The following CDK18 variants were observed in gnomAD, a reference collection of about 807,000 sequenced individuals.
CDK18 encodes cyclin-dependent kinase 18.
CDK18 carries 52 observed loss-of-function variants against 62.0 expected under a neutral mutation model. The ratio of observed to expected loss-of-function variants is 0.84; its 90% CI spans 0.67 to 1.06. The LOEUF is 1.06. CDK18 is among the 50% of genes least tolerant of loss of function. CDK18 has a pLI of 0.00. For synonymous variants in CDK18, 237 were observed against 247.0 expected (o/e 0.96, Z 0.38); for missense variants, 604 against 619.9 (o/e 0.97, Z 0.27).
At chr1:205,522,004 T>C (rs1668152738) in intron 1 of CDK18, among the ~76,000 whole-genome samples, 2 of 152,030 alleles carry the variant, frequency 1.3e-5, no homozygotes, top group African/African-American at 4.8e-5. Context: ...TGGAAGCCCT[T>C]GTGAGGCCTC....
At chr1:205,506,809 C>T (rs1411886164) in intron 1 of CDK18, among the ~76,000 whole-genome samples, 1 of 152,230 alleles carries the variant, frequency 6.6e-6, no homozygotes, top group African/African-American at 2.4e-5. Context: ...TCTGTCTGTC[C>T]TGCACTAGGC....
Position 205,507,035 on chromosome 1 carries a change from C to T in CDK18, c.-22+2239C>T, listed in dbSNP as rs372706636. Among the ~76,000 whole-genome samples the T allele has an allele frequency of 2.6e-5, 4 of 152,210 alleles. No homozygotes were observed. In the South Asian group the frequency reaches 8.3e-4, roughly 32 times the overall value. On this transcript the variant is annotated intron_variant, in intron 1 of 15. Transcript: ENST00000429964. ...TTGGGCCGTCCCGCACTCGGGAATG[C>T]GTCCTACACTGTAGGGCAGAGCCCG...
intron 5 of CDK18, among the ~76,000 whole-genome samples, chr1:205,525,440 CT>C (rs552356615): frequency 4.7e-5 from 7 of 150,072 alleles, no homozygotes; most frequent in East Asian, 3.9e-4. Flanking sequence ...AGAATCCAGT[CT>C]TTTTTTTTTC....
intron 1 of CDK18, among the ~76,000 whole-genome samples, chr1:205,518,582 C>T (rs552120477): frequency 5.1e-4 from 78 of 152,288 alleles, no homozygotes; most frequent in African/African-American, 1.7e-3. Flanking sequence ...AATATGGTCA[C>T]GTTTGTGCAC....
chr1:205,520,448 C>T (rs1444285384), intron 1 of CDK18, among the ~76,000 whole-genome samples: 1 of 152,108 alleles, frequency 6.6e-6, no homozygotes. Context: ...CCTGTAATCC[C>T]AGCACTTTGG....
chr1:205,531,265 C>A, intron 15 of CDK18, 79 bp from the exon 16 acceptor site: 2 of 1,341,086 alleles, frequency 1.5e-6, no homozygotes, highest in Non-Finnish European at 2.1e-6. Context: ...CTCTGGGGGA[C>A]AGCGACTGTC....
chr1:205,530,770 C>G, intron 15 of CDK18, 65 bp downstream of exon 15: 1 of 1,317,218 alleles, frequency 7.6e-7, no homozygotes, highest in Non-Finnish European at 1.1e-6. Flanking sequence ...GCGACCCCTC[C>G]CCAGTGGGGA....
At position 205,528,245 on chromosome 1, in the gene CDK18, G is replaced by C; in HGVS notation, c.974+77G>C. The C allele has an allele frequency of 6.5e-7, 1 of 1,545,610 alleles. No individual in the cohort carries two copies. Among genetic ancestry groups the C allele is most frequent in the African/African-American group, 1.4e-5 (1 of 73,498 alleles). On this transcript the variant is annotated intron_variant, in intron 10 of 15. Transcript: ENST00000429964. This position sits in a 1 kb window ranked among gnomAD's most constrained non-coding sequence, Gnocchi z 4.2. ...TCCAGACTCTCCTTTGCTTCCCCAA[G>C]GGCCTCGGGGAAGAACTGCCTAACT...
chr1:205,525,171 C>T lies in CDK18; in HGVS notation c.432C>T (p.Tyr144=), dbSNP rs115244221. 2.0e-4 allele frequency: 316 copies of T among 1,609,934 alleles called. 2 individuals carry two copies. The highest frequency in any genetic ancestry group is 1.1e-3 in the African/African-American group (84 of 75,008). The change falls in exon 5 of 16, where the codon TAC becomes TAT. Residue 144 remains tyrosine (Y), a synonymous_variant. Transcript: ENST00000429964. Reference sequence around the variant, plus strand: ...TTGGCTTTGGGAAACTGGAAACATACGTGAAACTGGACAAACTGGGAGAGG... The same window carrying T: ...TTGGCTTTGGGAAACTGGAAACATATGTGAAACTGGACAAACTGGGAGAGG... The part of the protein sequence containing the change: ...SDIGFGKLET[Y]VKLDKLGEGT...
In CDK18 at chr1:205,529,070, A is replaced by G; in HGVS notation, c.1046A>G (p.Glu349Gly). 6.3e-7 allele frequency: 1 copy of G among 1,591,554 alleles called. No individual in the cohort carries two copies. Among genetic ancestry groups the G allele is most frequent in the Non-Finnish European group, 8.6e-7 (1 of 1,169,362 alleles). Residue 349 changes from glutamate (E) to glycine (G), a missense_variant, in exon 11 of 16, where the codon GAG becomes GGG. By Grantham distance (98) the Glu-to-Gly change is moderately conservative. Coordinates refer to ENST00000429964, the MANE Select transcript of CDK18 (RefSeq NM_212502.3). ...TTCCCGGGCTCCACAGTCAAGGAGG[A>G]GCTGCACCTCATCTTTCGCCTCCTC... ...PLFPGSTVKE[E>G]LHLIFRLLGT... is the part of the protein sequence containing the mutation.
chr1:205,526,925 C>T (rs1398651478), intron 8 of CDK18, 88 bp downstream of exon 8: 22 of 1,106,006 alleles, frequency 2.0e-5, no homozygotes, highest in Middle Eastern at 2.0e-4. Context: ...ACCAGGGATC[C>T]GGCTGCTGAG....
rs758854443 is a variant in CDK18 at position 205,527,934 on chromosome 1, G to A, written c.853+17G>A. 28 of 1,614,044 alleles carry A rather than the reference G, an allele frequency of 1.7e-5. No homozygotes were observed. The highest frequency in any genetic ancestry group is 2.3e-5 in the Non-Finnish European group (27 of 1,179,956). On this transcript the variant is annotated intron_variant, in intron 9 of 15. Transcript: ENST00000429964. The surrounding 1 kb of genome is among the most constrained non-coding windows in gnomAD (Gnocchi z 4.1). ...CCGACTTTGGTGAGGCTGGGGCTAG[G>A]GTGGGGGTCTGACGCTACTGGGGTG...
chr1:205,521,392 T>C (rs55664450), intron 1 of CDK18, among the ~76,000 whole-genome samples: 6,123 of 152,286 alleles, frequency 0.04, 406 homozygotes, highest in African/African-American at 0.14. Context: ...TTTTGTATTT[T>C]TAGTAGAGAC....
chr1:205,507,750 G>C (rs1667384614), intron 1 of CDK18, among the ~76,000 whole-genome samples: 1 of 152,074 alleles, frequency 6.6e-6, no homozygotes, highest in South Asian at 2.1e-4. Flanking sequence ...GGAATTTCCT[G>C]GTGATTGCAC....
chr1:205,505,468 C>CT (rs1397773103), intron 1 of CDK18, among the ~76,000 whole-genome samples: 1 of 152,128 alleles, frequency 6.6e-6, no homozygotes, highest in African/African-American at 2.4e-5. Context: ...CAGTGCCCCC[C>CT]TCCACCCCTC....
chr1:205,530,519 A>G (rs1668684428), intron 14 of CDK18, 109 bp from the exon 15 acceptor site: 2 of 1,217,404 alleles, frequency 1.6e-6, no homozygotes, highest in East Asian at 4.9e-5. Flanking sequence ...GGGGGCAAAC[A>G]GTGGAAATGA....
intron 1 of CDK18, 54 bp from the exon 2 acceptor site, chr1:205,523,093 C>T (rs1668217431): frequency 6.5e-7 from 1 of 1,540,932 alleles, no homozygotes; most frequent in Admixed American, 1.9e-5. Flanking sequence ...GGGTGGAGAC[C>T]TGGACTGGTT....
chr1:205,521,848 G>A (rs999893090), intron 1 of CDK18, among the ~76,000 whole-genome samples: 17 of 152,234 alleles, frequency 1.1e-4, no homozygotes, highest in Non-Finnish European at 1.5e-4. Context: ...GGTCGCCTTG[G>A]CAACTAGGTG....
chr1:205,530,360 G>C lies in CDK18; in HGVS notation c.1312+11G>C, dbSNP rs372308037. ...ACCAGCTTGAAGACAGTGAGTACTG[G>C]GGGTCCGGGAGCAGGGCCACCCAGA... On this transcript the variant is annotated intron_variant, in intron 14 of 15. Transcript: ENST00000429964. 2 of 1,611,088 alleles carry C rather than the reference G, an allele frequency of 1.2e-6. No homozygotes were observed. Among genetic ancestry groups the C allele is most frequent in the Non-Finnish European group, 1.7e-6 (2 of 1,179,426 alleles).
Sources: allele counts gnomAD v4.1 joint callset (sites outside exome capture counted in the v4.1 genomes callset), GRCh38; gene constraint gnomAD v4.1.1; non-coding constraint Gnocchi (gnomAD v3.1); transcripts MANE v1.5; gene names NCBI Gene and HGNC (gene_info 2026-07-23, HGNC 2026-07-21).